CRB1: variants seen among roughly 807,000 people sequenced by gnomAD.
The protein encoded by CRB1 is protein crumbs homolog 1.
In CRB1, 83 loss-of-function variants were observed where a neutral mutation model predicts 120.0. The ratio of observed to expected loss-of-function variants is 0.69; its 90% CI spans 0.58 to 0.83. The LOEUF is 0.83. Ranked by LOEUF, CRB1 falls within the 40% of genes least tolerant of loss-of-function variation. CRB1 has a pLI of 0.00. For synonymous variants in CRB1, 625 were observed against 612.5 expected (o/e 1.02, Z -0.30); for missense variants, 1,699 against 1,687.6 (o/e 1.01, Z -0.12).
chr1:197,229,105 C>T, the CRB1 span, among the ~76,000 whole-genome samples: 3 of 152,142 alleles, frequency 2.0e-5, no homozygotes, highest in South Asian at 2.1e-4. Flanking sequence ...GGACCCTCTC[C>T]GAGAACCTGA....
intron 5 of CRB1, among the ~76,000 whole-genome samples, chr1:197,385,869 A>G (rs1385899215): frequency 2.0e-5 from 3 of 152,134 alleles, no homozygotes; most frequent in Non-Finnish European, 4.4e-5. Context: ...CTTTAAAAAA[A>G]GAAGTTAACT....
intron 5 of CRB1, among the ~76,000 whole-genome samples, chr1:197,387,553 C>A (rs1366837307): frequency 6.6e-6 from 1 of 151,826 alleles, no homozygotes; most frequent in African/African-American, 2.4e-5. Flanking sequence ...GATTTTGGCA[C>A]CTGGCGTACT....
chr1:197,201,569 G>A, the CRB1 span, among the ~76,000 whole-genome samples: 1 of 152,330 alleles, frequency 6.6e-6, no homozygotes, highest in African/African-American at 2.4e-5. Flanking sequence ...GTGGCTCGGT[G>A]GCCTACCCCG....
At chr1:197,289,269 A>ATAAT (rs1298801468) in intron 1 of CRB1, among the ~76,000 whole-genome samples, 1 of 151,904 alleles carries the variant, frequency 6.6e-6, no homozygotes, top group East Asian at 1.9e-4. Context: ...TTCCTGAAAT[A>ATAAT]TAATTATCTT....
Position 197,427,664 on chromosome 1 carries a change from C to G in CRB1, c.2339C>G (p.Pro780Arg), listed in dbSNP as rs1481310279. Residue 780 changes from proline (P) to arginine (R), a missense_variant, in exon 7 of 12, where the codon CCC becomes CGC. Physicochemically the swap from Pro to Arg is moderately radical, Grantham distance 103 (BLOSUM62 -2). Coordinates refer to ENST00000367400, the MANE Select transcript of CRB1 (RefSeq NM_201253.3). ...CTAGCAATGCTGACTCCAAACTCTC[C>G]CAAATTAGTAGTAAAATTTGTTCTT... ...GRLAMLTPNS[P>R]KLVVKFVLND... The G allele has an allele frequency of 2.5e-6, 4 of 1,613,776 alleles. No individual in the cohort carries two copies. The highest frequency in any genetic ancestry group is 3.4e-6 in the Non-Finnish European group (4 of 1,179,888).
intron 1 of CRB1, among the ~76,000 whole-genome samples, chr1:197,289,069 C>T (rs516640): frequency 0.012 from 1,876 of 151,194 alleles, 43 homozygotes; most frequent in African/African-American, 0.042. Flanking sequence ...ATGAAATTCT[C>T]GGGACAGAGT....
intron 8 of CRB1, among the ~76,000 whole-genome samples, chr1:197,433,026 C>CT (rs374919916): frequency 8.4e-5 from 12 of 142,430 alleles, no homozygotes; most frequent in South Asian, 2.2e-4. Flanking sequence ...CATGTAGATG[C>CT]TTTTTTTTTT....
chr1:197,241,109 C>G, the CRB1 span, among the ~76,000 whole-genome samples: 3 of 152,122 alleles, frequency 2.0e-5, no homozygotes, highest in African/African-American at 7.2e-5. Context: ...AGCCCTTTGT[C>G]AGATGGATAG....
chr1:197,427,729 C>A lies in CRB1; in HGVS notation c.2404C>A (p.Pro802Thr). Residue 802 changes from proline to threonine, a missense_variant, in exon 7 of 12, where the codon CCA (proline) becomes ACA (threonine). Physicochemically the swap from Pro to Thr is conservative, Grantham distance 38. Transcript: ENST00000367400. Reference protein sequence around the residue: ...NVHLISLKIKPYKIELYQSSQ... With the variant: ...NVHLISLKIKTYKIELYQSSQ... ...CCACTTGATATCTTTGAAAATCAAG[C>A]CATATAAAATTGAACTGTATCAGTC... is the stretch of plus-strand genomic sequence containing the variant. The A allele has an allele frequency of 6.2e-7, 1 of 1,613,812 alleles. No homozygotes were observed. The highest frequency in any genetic ancestry group is 8.5e-7 in the Non-Finnish European group (1 of 1,179,864).
intron 1 of CRB1, among the ~76,000 whole-genome samples, chr1:197,299,630 A>G (rs1216788004): frequency 6.6e-6 from 1 of 152,156 alleles, no homozygotes; most frequent in Non-Finnish European, 1.5e-5. Flanking sequence ...GAAAAGGAAA[A>G]AAAAAACTGT....
intron 5 of CRB1, among the ~76,000 whole-genome samples, chr1:197,412,197 G>T (rs1663746285): frequency 1.3e-5 from 2 of 152,108 alleles, no homozygotes; most frequent in Admixed American, 6.5e-5. Context: ...TTTTTAACAG[G>T]TTCATGTTGC....
chr1:197,234,577 A>G, the CRB1 span, among the ~76,000 whole-genome samples: 1 of 152,256 alleles, frequency 6.6e-6, no homozygotes, highest in East Asian at 1.9e-4. Context: ...GTTAACAAAT[A>G]TAGATCCCCA....
Position 197,268,393 on chromosome 1 carries a change from G to A in CRB1, c.-20G>A, listed in dbSNP as rs1341348546. 1 of 1,578,936 alleles carries A rather than the reference G, an allele frequency of 6.3e-7. No individual in the cohort carries two copies. Among genetic ancestry groups the A allele is most frequent in the Non-Finnish European group, 8.7e-7 (1 of 1,148,282 alleles). ...CCAGACCACCAGCAACACACCAGAGGATGTTCTCTAAATAAGACCATGGCA... is the reference window on the plus strand; with the variant it reads ...CCAGACCACCAGCAACACACCAGAGAATGTTCTCTAAATAAGACCATGGCA... On this transcript the variant is annotated 5_prime_UTR_variant, in exon 1 of 12. Coordinates refer to ENST00000367400, the MANE Select transcript of CRB1 (RefSeq NM_201253.3).
At chr1:197,236,181 A>G in the CRB1 span, among the ~76,000 whole-genome samples, 9 of 143,896 alleles carry the variant, frequency 6.3e-5, no homozygotes, top group Non-Finnish European at 1.2e-4. Flanking sequence ...TATGATCTGT[A>G]TGGCTTTTAT....
the CRB1 span, among the ~76,000 whole-genome samples, chr1:197,260,211 G>C: frequency 8.8e-5 from 1 of 11,384 alleles, no homozygotes; most frequent in Non-Finnish European, 1.3e-4. Flanking sequence ...AGAAGAGGAA[G>C]GAGAAAAACA....
chr1:197,211,453 C>T, the CRB1 span, among the ~76,000 whole-genome samples: 1 of 152,152 alleles, frequency 6.6e-6, no homozygotes, highest in Non-Finnish European at 1.5e-5. Context: ...ATCAAGGGGC[C>T]AGCATTCAGT....
intron 5 of CRB1, among the ~76,000 whole-genome samples, chr1:197,365,730 GAA>G (rs765756042): frequency 2.6e-4 from 39 of 151,006 alleles, no homozygotes; most frequent in Admixed American, 4.0e-4. Context: ...TCTGGGGAAA[GAA>G]AGAGCCAACC....
At chr1:197,450,530 A>T (rs1022189438) in intron 11 of CRB1, among the ~76,000 whole-genome samples, 1 of 152,164 alleles carries the variant, frequency 6.6e-6, no homozygotes, top group Non-Finnish European at 1.5e-5. Flanking sequence ...TGTAAACATT[A>T]TAAGGATAAA....
At chr1:197,203,667 A>G in the CRB1 span, among the ~76,000 whole-genome samples, 1 of 152,222 alleles carries the variant, frequency 6.6e-6, no homozygotes, top group South Asian at 2.1e-4. Context: ...AGAAATAAGC[A>G]TAAGTAAGAA....
Sources: gnomAD v4.1 joint callset for allele counts (sites outside exome capture counted in the v4.1 genomes callset) on GRCh38, gnomAD v4.1.1 for gene constraint, MANE v1.5 for transcripts, NCBI Gene and HGNC (gene_info 2026-07-23, HGNC 2026-07-21) for gene names.